The following SEPTIN2 variants were observed in gnomAD, a reference collection of about 807,000 sequenced individuals.
SEPTIN2 encodes the protein septin 2, also known as septin-2.
SEPTIN2 carries 34 observed loss-of-function variants against 46.5 expected under a neutral mutation model. The ratio of observed to expected loss-of-function variants is 0.73; its 90% CI spans 0.56 to 0.97. The LOEUF (loss-of-function observed/expected upper bound fraction) is 0.97, where lower values mean the gene tolerates loss of function less well. SEPTIN2 is among the 50% of genes least tolerant of loss of function. SEPTIN2 has a pLI of 0.00. For missense variants in SEPTIN2, 347 were observed against 448.4 expected, an observed-to-expected ratio of 0.77 and a Z score of 2.04; for synonymous variants, 175 against 153.4, an observed-to-expected ratio of 1.14 and a Z score of -1.04.
intron 7 of SEPTIN2, among the ~76,000 whole-genome samples, chr2:241,339,614 T>G (rs1171833872): frequency 6.6e-6 from 1 of 152,188 alleles, no homozygotes; most frequent in East Asian, 1.9e-4. Flanking sequence ...TTGTCCAGTT[T>G]CCTGCTGATG....
At chr2:241,349,978 G>A in intron 11 of SEPTIN2, 95 bp from the exon 12 acceptor site, 2 of 1,218,182 alleles carry the variant, frequency 1.6e-6, no homozygotes, top group Admixed American at 2.0e-5. Flanking sequence ...TTGGGAAGGT[G>A]TAGAAGTTGA....
intron 3 of SEPTIN2, among the ~76,000 whole-genome samples, chr2:241,332,074 T>C (rs766594447): frequency 3.3e-5 from 5 of 152,218 alleles, no homozygotes; most frequent in Non-Finnish European, 5.9e-5. Flanking sequence ...CCTGAAATTA[T>C]AGTAGATTTA....
At chr2:241,317,881 C>G (rs886493470) in intron 1 of SEPTIN2, among the ~76,000 whole-genome samples, 5 of 152,118 alleles carry the variant, frequency 3.3e-5, no homozygotes, top group Admixed American at 1.3e-4. Flanking sequence ...CTTTAAACAA[C>G]TTCTGGCATG....
At chr2:241,330,756 G>A (rs1353827386) in intron 3 of SEPTIN2, among the ~76,000 whole-genome samples, 1 of 152,236 alleles carries the variant, frequency 6.6e-6, no homozygotes, top group Non-Finnish European at 1.5e-5. Context: ...CTAAACAAAT[G>A]GAGTTTATCT....
In SEPTIN2 at chr2:241,335,310, G is replaced by T. The variant is rs772194739; in HGVS notation, c.217+98G>T. On this transcript the variant is annotated intron_variant, in intron 4 of 12. Coordinates refer to ENST00000391971, the MANE Select transcript of SEPTIN2 (RefSeq NM_004404.5). ...TATGTCTTAGCTGTGTGTTTTGTTT[G>T]TTCTTGTTCAGCTTTGAACACAAGG... 4.3e-5 allele frequency: 67 copies of T among 1,560,364 alleles called. No individual in the cohort carries two copies. In the African/African-American group the frequency reaches 8.5e-4, roughly 20 times the overall value.
chr2:241,341,406 C>A (rs2081242979), intron 7 of SEPTIN2, among the ~76,000 whole-genome samples: 1 of 152,150 alleles, frequency 6.6e-6, no homozygotes, highest in African/African-American at 2.4e-5. Flanking sequence ...CTAACTGTTT[C>A]CGAACTCTTC....
intron 3 of SEPTIN2, among the ~76,000 whole-genome samples, chr2:241,327,840 C>G (rs1415087599): frequency 2.0e-5 from 3 of 151,476 alleles, no homozygotes; most frequent in Non-Finnish European, 4.4e-5. Context: ...CACTTCAGCC[C>G]AGGAGTTCAA....
At chr2:241,316,967 AT>A (rs1365146982) in intron 1 of SEPTIN2, 3 of 157,888 alleles carry the variant, frequency 1.9e-5, no homozygotes, top group African/African-American at 7.2e-5. Context: ...CCAGTGGACT[AT>A]TGGTGCTGTG....
chr2:241,343,382 C>G (rs1451195714), intron 8 of SEPTIN2, among the ~76,000 whole-genome samples: 1 of 151,932 alleles, frequency 6.6e-6, no homozygotes, highest in Non-Finnish European at 1.5e-5. Flanking sequence ...ACCTGTAGTC[C>G]CAGCCACTCG....
chr2:241,318,114 T>C (rs1335981535), intron 1 of SEPTIN2: 1 of 149,924 alleles, frequency 6.7e-6, no homozygotes, highest in African/African-American at 2.5e-5. Flanking sequence ...ATCCAAGTTA[T>C]GTTTCAGAAA....
chr2:241,328,838 T>G (rs2078458819), intron 3 of SEPTIN2, among the ~76,000 whole-genome samples: 1 of 151,232 alleles, frequency 6.6e-6, no homozygotes, highest in South Asian at 2.1e-4. Context: ...CTGACCAACA[T>G]GGAGAAACCC....
intron 10 of SEPTIN2, among the ~76,000 whole-genome samples, chr2:241,347,663 A>G (rs1361007619): frequency 6.6e-6 from 1 of 152,170 alleles, no homozygotes; most frequent in Non-Finnish European, 1.5e-5. Flanking sequence ...TGAATGTTCC[A>G]TTTCATGTTG....
intron 1 of SEPTIN2, 128 bp downstream of exon 1, chr2:241,316,110 T>G (rs2076160481): frequency 2.4e-5 from 4 of 167,218 alleles, no homozygotes; most frequent in Non-Finnish European, 2.6e-5. Flanking sequence ...GGCGGGGCGG[T>G]GTGGGGGAGG....
chr2:241,335,236 T>G (rs2079745749), intron 4 of SEPTIN2, 24 bp downstream of exon 4: 4 of 1,607,142 alleles, frequency 2.5e-6, no homozygotes, highest in Middle Eastern at 3.3e-4. Flanking sequence ...TATGTTACTG[T>G]AAGTGTAATT....
intron 8 of SEPTIN2, 96 bp downstream of exon 8, chr2:241,343,189 G>A: frequency 1.3e-6 from 1 of 742,094 alleles, no homozygotes; most frequent in Admixed American, 2.3e-5. Context: ...TCAGTTACGA[G>A]AGTATTTTTG....
intron 7 of SEPTIN2, among the ~76,000 whole-genome samples, chr2:241,342,752 G>A (rs1203485045): frequency 6.6e-6 from 1 of 151,848 alleles, no homozygotes; most frequent in African/African-American, 2.4e-5. Flanking sequence ...TAGCCAGGAT[G>A]GTCTCCATCT....
intron 11 of SEPTIN2, 151 bp from the exon 12 acceptor site, chr2:241,349,922 T>C (rs1429232017): frequency 3.0e-6 from 2 of 670,856 alleles, no homozygotes; most frequent in African/African-American, 1.8e-5. Context: ...TGTTGCTTTT[T>C]TTATTGATTG....
At chr2:241,318,573 A>G (rs577829514) in intron 1 of SEPTIN2, among the ~76,000 whole-genome samples, 1 of 152,320 alleles carries the variant, frequency 6.6e-6, no homozygotes, top group African/African-American at 2.4e-5. Flanking sequence ...ATTCTGTTGT[A>G]AATGATGTGC....
At chr2:241,330,685 C>G (rs1313785435) in intron 3 of SEPTIN2, among the ~76,000 whole-genome samples, 1 of 152,202 alleles carries the variant, frequency 6.6e-6, no homozygotes, top group Non-Finnish European at 1.5e-5. Flanking sequence ...TATTACTCTG[C>G]TATTGTTCCG....
Sources: allele counts gnomAD v4.1 joint callset (sites outside exome capture counted in the v4.1 genomes callset), GRCh38; gene constraint gnomAD v4.1.1; transcripts MANE v1.5; gene names NCBI Gene and HGNC (gene_info 2026-07-23, HGNC 2026-07-21).